Variants in CCAR2 observed in about 807,000 individuals in gnomAD.
CCAR2 encodes the protein cell cycle and apoptosis regulator 2.
A neutral mutation model predicts 108.1 loss-of-function variants in CCAR2; 21 were observed. The ratio of observed to expected loss-of-function variants is 0.19; its 90% confidence interval spans 0.14 to 0.28. The LOEUF (loss-of-function observed/expected upper bound fraction) is 0.28, where lower values mean the gene tolerates loss of function less well. CCAR2 is among the 10% of genes least tolerant of loss of function. CCAR2 has a pLI of 1.00. For synonymous variants in CCAR2, 577 were observed against 472.8 expected, an observed-to-expected ratio of 1.22 and a Z score of -2.86; for missense variants, 1,126 against 1,177.0, an observed-to-expected ratio of 0.96 and a Z score of 0.63.
rs942119946 is a variant in CCAR2, at chr8:22,607,109, T to C, written c.357+85T>C. 12 of 1,607,540 alleles carry C rather than the reference T, an allele frequency of 7.5e-6. No individual in the cohort carries two copies. In the African/African-American group the frequency reaches 8.0e-5, roughly 11 times the overall value. The stretch of plus-strand genomic sequence containing the variant: ...TGACAGCTGGGCAAAACCCTGACTT[T>C]TGTCAGGGGGGTGGGACTGCATCTT... On this transcript the variant is annotated intron_variant, in intron 5 of 20. Transcript: ENST00000308511.
intron 19 of CCAR2, 56 bp from the exon 20 acceptor site, chr8:22,619,094 C>T: frequency 1.2e-6 from 2 of 1,600,422 alleles, no homozygotes; most frequent in Non-Finnish European, 1.7e-6. Context: ...CAGGCCCTGC[C>T]CTGTGCTCTG....
chr8:22,606,284 T>C lies in CCAR2; in HGVS notation c.150+108T>C, dbSNP rs897912861. Reference sequence around the variant, plus strand: ...TAGTGTTTATCATTCCTGATCCCTCTCCTGGTAGTGGGCTAGTATGGGGTT... The same window carrying C: ...TAGTGTTTATCATTCCTGATCCCTCCCCTGGTAGTGGGCTAGTATGGGGTT... On this transcript the variant is annotated intron_variant, in intron 3 of 20. Coordinates refer to ENST00000308511, the MANE Select transcript of CCAR2 (RefSeq NM_001393997.1). The C allele has an allele frequency of 6.1e-6, 6 of 991,238 alleles. No homozygotes were observed. The Admixed American group carries it at 1.1e-4, about 18-fold the overall frequency. The allele number at this position is 991,238 out of a possible 1,614,324, so 61.4% of individuals were successfully genotyped here.
At chr8:22,608,346 TACTTCTTAAATAC>T (rs2117420411) in intron 7 of CCAR2, among the ~76,000 whole-genome samples, 1 of 152,334 alleles carries the variant, frequency 6.6e-6, no homozygotes, top group Non-Finnish European at 1.5e-5. Context: ...CATGTTGAGA[TACTTCTTAAATAC>T]TCTTCTGTTT....
downstream of CCAR2, chr8:22,621,488 C>T (rs1364859089): frequency 1.2e-6 from 2 of 1,613,974 alleles, no homozygotes; most frequent in Non-Finnish European, 1.7e-6. Flanking sequence ...CCCGCTCCCG[C>T]TGCTCATCGG....
Position 22,607,210 on chromosome 8 carries a change from C to G in CCAR2, c.372C>G (p.Ser124=), listed in dbSNP as rs369201957. Residue 124 remains serine, a synonymous_variant, in exon 6 of 21, where the codon TCC becomes TCG. Coordinates refer to ENST00000308511, the MANE Select transcript of CCAR2 (RefSeq NM_001393997.1). ...QTLSNQPLLK[S]PAPPLLHVAA... ...CTGTTCTGCAGCCCCTACTGAAGTC[C>G]CCAGCACCTCCTCTTCTGCATGTAG... 6.2e-7 allele frequency: 1 copy of G among 1,613,988 alleles called. No homozygotes were observed. Among genetic ancestry groups the G allele is most frequent in the Non-Finnish European group, 8.5e-7 (1 of 1,179,972 alleles).
intron 8 of CCAR2, chr8:22,613,835 C>T (rs969188030): frequency 1.8e-5 from 8 of 455,364 alleles, no homozygotes; most frequent in Non-Finnish European, 3.1e-5. Context: ...TTTGTGAGTT[C>T]CTTTATATTA....
At chr8:22,607,389 C>T in intron 6 of CCAR2, 64 bp downstream of exon 6, 3 of 1,582,230 alleles carry the variant, frequency 1.9e-6, no homozygotes, top group African/African-American at 1.3e-5. Flanking sequence ...AATGGACTTT[C>T]AGGTTGCTGC....
At chr8:22,612,927 T>G in intron 7 of CCAR2, 90 bp from the exon 8 acceptor site, 2 of 1,388,456 alleles carry the variant, frequency 1.4e-6, no homozygotes, top group Non-Finnish European at 2.0e-6. Flanking sequence ...ATGTGAGGGA[T>G]TTCGATTGTT....
At chr8:22,607,144 G>C in intron 5 of CCAR2, 52 bp from the exon 6 acceptor site, 1 of 1,610,926 alleles carries the variant, frequency 6.2e-7, no homozygotes, top group Non-Finnish European at 8.5e-7. Context: ...TTCCAAGGTA[G>C]TGAGTGCCTC....
chr8:22,612,846 A>T, intron 7 of CCAR2, 171 bp from the exon 8 acceptor site: 1 of 692,538 alleles, frequency 1.4e-6, no homozygotes, highest in Non-Finnish European at 2.3e-6. Context: ...AAAACAGTAA[A>T]TATCCATTTT....
rs1801359417 is a variant in CCAR2, at chr8:22,613,152, G to A, written c.704+16G>A. 6.4e-7 allele frequency: 1 copy of A among 1,558,470 alleles called. No homozygotes were observed. Among genetic ancestry groups the A allele is most frequent in the Non-Finnish European group, 8.7e-7 (1 of 1,151,652 alleles). The stretch of plus-strand genomic sequence containing the variant: ...CTGTGGACAGGTGAGTGGCGAGGCT[G>A]AGGTGGGCTGAGTCTTGCTGCTGGT... On this transcript the variant is annotated intron_variant, in intron 8 of 20. Coordinates refer to ENST00000308511, the MANE Select transcript of CCAR2 (RefSeq NM_001393997.1).
At chr8:22,611,916 T>C (rs561443151) in intron 7 of CCAR2, among the ~76,000 whole-genome samples, 11 of 151,964 alleles carry the variant, frequency 7.2e-5, no homozygotes, top group African/African-American at 2.4e-4. Context: ...GACTTTAATG[T>C]GTATTATTAA....
At chr8:22,617,370 A>G (rs199550966) in intron 14 of CCAR2, 50 bp from the exon 15 acceptor site, 2 of 1,513,726 alleles carry the variant, frequency 1.3e-6, no homozygotes, top group Non-Finnish European at 1.8e-6. Context: ...ACTATTGGTA[A>G]TTATGGTAAC....
At position 22,613,043 on chromosome 8, in the gene CCAR2, A is replaced by G; in HGVS notation, c.611A>G (p.Lys204Arg). Residue 204 changes from lysine (K) to arginine (R), a missense_variant, in exon 8 of 21, where the codon AAA (lysine) becomes AGA (arginine). Physicochemically the swap from Lys to Arg is conservative, Grantham distance 26 (BLOSUM62 2). Around this residue, in one of 4 missense-constraint regions of CCAR2, gnomAD observed 1,013 missense variants for 993.9 expected, o/e 1.02. Coordinates refer to ENST00000308511, the MANE Select transcript of CCAR2 (RefSeq NM_001393997.1). Reference protein sequence around the residue: ...RSDDYDSKKRKQRAGGEPWGA... With the variant: ...RSDDYDSKKRRQRAGGEPWGA... ...GATGACTATGACTCCAAGAAACGCA[A>G]ACAGCGGGCTGGTGGAGAGCCCTGG... 1.2e-6 allele frequency: 2 copies of G among 1,613,098 alleles called. No homozygotes were observed. Among genetic ancestry groups the G allele is most frequent in the Non-Finnish European group, 1.7e-6 (2 of 1,179,694 alleles).
At chr8:22,617,399 A>G in intron 14 of CCAR2, 21 bp from the exon 15 acceptor site, 2 of 1,523,010 alleles carry the variant, frequency 1.3e-6, no homozygotes, top group Non-Finnish European at 1.8e-6. Flanking sequence ...TTTTCCTTAT[A>G]ACCTTTGTCT....
intron 16 of CCAR2, 120 bp downstream of exon 16, chr8:22,617,898 C>G (rs1801589723): frequency 2.0e-6 from 2 of 1,016,682 alleles, no homozygotes; most frequent in Non-Finnish European, 3.0e-6. Flanking sequence ...ACCCAACACA[C>G]AGTGTGGTCC....
In CCAR2 at chr8:22,606,891, C is replaced by T. The variant is rs759735797; in HGVS notation, c.243-19C>T. On this transcript the variant is annotated intron_variant, in intron 4 of 20. Coordinates refer to ENST00000308511, the MANE Select transcript of CCAR2 (RefSeq NM_001393997.1). Reference sequence around the variant, plus strand: ...AGGGTCCCTCTTCTGATGGGGCCTTCTGGCTTGTGTGCTGACAGTGTGGTG... The same window carrying T: ...AGGGTCCCTCTTCTGATGGGGCCTTTTGGCTTGTGTGCTGACAGTGTGGTG... 4 of 1,613,152 alleles carry T rather than the reference C, an allele frequency of 2.5e-6. No individual in the cohort carries two copies. The highest frequency in any genetic ancestry group is 3.4e-6 in the Non-Finnish European group (4 of 1,179,330).
chr8:22,621,317 G>A, downstream of CCAR2: 3 of 1,428,736 alleles, frequency 2.1e-6, no homozygotes, highest in Non-Finnish European at 2.8e-6. Context: ...AAGTGAACCA[G>A]GGCCACCTCT....
rs142397736 is a variant in CCAR2 at position 22,616,223 on chromosome 8, C to A, written c.1820C>A (p.Pro607Gln). ...EPKDEAQNEGPATESEAPLKE... is the reference protein window; with the variant it reads ...EPKDEAQNEGQATESEAPLKE... ...AAGGATGAGGCACAGAATGAGGGCC[C>A]GGCTACAGAGTCAGAGGCCCCGCTG... Residue 607 changes from proline to glutamine, a missense_variant, in exon 14 of 21, where the codon CCG becomes CAG. Coordinates refer to ENST00000308511, the MANE Select transcript of CCAR2 (RefSeq NM_001393997.1). 1 of 1,612,896 alleles carries A rather than the reference C, an allele frequency of 6.2e-7. No homozygotes were observed. The highest frequency in any genetic ancestry group is 1.3e-5 in the African/African-American group (1 of 74,852).
Sources: gnomAD v4.1 joint callset for allele counts (sites outside exome capture counted in the v4.1 genomes callset) on GRCh38, gnomAD v4.1.1 for gene constraint, gnomAD v4.1.1 regional missense constraint, MANE v1.5 for transcripts, NCBI Gene and HGNC (gene_info 2026-07-23, HGNC 2026-07-21) for gene names.